The following HS6ST3 variants were observed in gnomAD, a reference collection of about 807,000 sequenced individuals.
HS6ST3 encodes the protein heparan-sulfate 6-O-sulfotransferase 3.
In HS6ST3, 12 loss-of-function variants were observed where a neutral mutation model predicts 36.7. The ratio of observed to expected loss-of-function variants is 0.33; its 90% CI spans 0.21 to 0.53. The LOEUF (loss-of-function observed/expected upper bound fraction) is 0.53. Ranked by LOEUF, HS6ST3 falls within the 20% of genes least tolerant of loss-of-function variation. The pLI is 0.95. For synonymous variants in HS6ST3, 240 were observed against 257.5 expected, an observed-to-expected ratio of 0.93 and a Z score of 0.65; for missense variants, 584 against 640.9, an observed-to-expected ratio of 0.91 and a Z score of 0.96.
At chr13:96,347,226 A>G (rs1925111) in intron 1 of HS6ST3, among the ~76,000 whole-genome samples, 137,095 of 152,216 alleles carry the variant, frequency 0.9, 62,059 homozygotes, top group African/African-American at 0.97. Flanking sequence ...TTATGATAAT[A>G]TGCTACACAG....
chr13:96,263,852 A>G (rs2054678137), intron 1 of HS6ST3, among the ~76,000 whole-genome samples: 1 of 152,242 alleles, frequency 6.6e-6, no homozygotes, highest in Non-Finnish European at 1.5e-5. Context: ...CTTGATTAAC[A>G]AATCCCTGGG....
At chr13:96,444,157 G>A (rs1004078216) in intron 1 of HS6ST3, among the ~76,000 whole-genome samples, 4 of 152,108 alleles carry the variant, frequency 2.6e-5, no homozygotes, top group African/African-American at 9.7e-5. Context: ...GATCCTTCTG[G>A]ACTACTTTCT....
At position 96,665,656 on chromosome 13, in the gene HS6ST3, G is replaced by T. The variant is rs72643884; in HGVS notation, c.708-166834G>T. Among the ~76,000 whole-genome samples the T allele has an allele frequency of 4.0e-3, 615 of 152,222 alleles. 6 individuals are homozygous for T. The highest frequency in any genetic ancestry group is 7.2e-3 in the Admixed American group (110 of 15,276). The stretch of plus-strand genomic sequence containing the variant: ...AGCTAAACCTATGAAAATAGCTTGG[G>T]TTTTGGAATAAACAGGCCTGATTTG... On this transcript the variant is annotated intron_variant, in intron 1 of 1. Transcript: ENST00000376705.
intron 1 of HS6ST3, 129 bp downstream of exon 1, chr13:96,091,698 C>G (rs2053765849): frequency 7.6e-7 from 1 of 1,319,778 alleles, no homozygotes; most frequent in Non-Finnish European, 1.0e-6. Context: ...CGGTTGGCGC[C>G]GTGGCTTTGG....
At chr13:96,626,782 G>A (rs1285788861) in intron 1 of HS6ST3, among the ~76,000 whole-genome samples, 5 of 151,884 alleles carry the variant, frequency 3.3e-5, no homozygotes, top group African/African-American at 1.2e-4. Context: ...CATATCATTG[G>A]TTAAATTTAT....
intron 1 of HS6ST3, among the ~76,000 whole-genome samples, chr13:96,290,460 C>T (rs962083102): frequency 7.9e-5 from 12 of 152,224 alleles, no homozygotes; most frequent in African/African-American, 2.9e-4. Context: ...GTGACCACCT[C>T]GGTAGATTTA....
intron 1 of HS6ST3, among the ~76,000 whole-genome samples, chr13:96,586,468 G>A (rs974137659): frequency 2.0e-5 from 3 of 151,988 alleles, no homozygotes; most frequent in Non-Finnish European, 4.4e-5. Flanking sequence ...GCTAATTTTT[G>A]TATTTTTAGT....
At chr13:96,335,047 TG>T (rs1237773934) in intron 1 of HS6ST3, among the ~76,000 whole-genome samples, 2 of 152,122 alleles carry the variant, frequency 1.3e-5, no homozygotes, top group Admixed American at 6.5e-5. Context: ...CAAATTGGGC[TG>T]GGGGCTGGTG....
chr13:96,600,359 C>CACACACAT (rs1491444389), intron 1 of HS6ST3, among the ~76,000 whole-genome samples: 6 of 120,244 alleles, frequency 5.0e-5, no homozygotes, highest in Admixed American at 2.5e-4. Flanking sequence ...CACACACACA[C>CACACACAT]ATATATATAT....
At chr13:96,430,915 G>A (rs1485445423) in intron 1 of HS6ST3, among the ~76,000 whole-genome samples, 1 of 152,062 alleles carries the variant, frequency 6.6e-6, no homozygotes, top group Non-Finnish European at 1.5e-5. Flanking sequence ...CCAGGCCTAA[G>A]AAAACAACAT....
At chr13:96,719,604 T>TAA (rs1254270287) in intron 1 of HS6ST3, among the ~76,000 whole-genome samples, 2 of 152,234 alleles carry the variant, frequency 1.3e-5, no homozygotes, top group Admixed American at 1.3e-4. Flanking sequence ...GCTTAGACTT[T>TAA]AAAATGAGTA....
At chr13:96,372,661 A>G (rs903472200) in intron 1 of HS6ST3, among the ~76,000 whole-genome samples, 1 of 152,132 alleles carries the variant, frequency 6.6e-6, no homozygotes, top group Non-Finnish European at 1.5e-5. Flanking sequence ...ATTTTTGTGT[A>G]TAGTGTAAGA....
intron 1 of HS6ST3, among the ~76,000 whole-genome samples, chr13:96,323,298 A>G (rs2055013899): frequency 6.6e-6 from 1 of 152,222 alleles, no homozygotes; most frequent in African/African-American, 2.4e-5. Flanking sequence ...AATAGAAACT[A>G]TCCTCTGGGT....
At chr13:96,093,919 T>C (rs2139290971) in intron 1 of HS6ST3, among the ~76,000 whole-genome samples, 1 of 152,328 alleles carries the variant, frequency 6.6e-6, no homozygotes, top group Non-Finnish European at 1.5e-5. Context: ...TGGTACATAA[T>C]GGGAACAAGG....
At chr13:96,766,350 G>A (rs769687458) in intron 1 of HS6ST3, among the ~76,000 whole-genome samples, 9 of 152,182 alleles carry the variant, frequency 5.9e-5, no homozygotes, top group Non-Finnish European at 1.2e-4. Flanking sequence ...CCAAAGCACT[G>A]ATTGTGTGTG....
rs181282200 is a variant in HS6ST3, at chr13:96,096,037, T to G, written c.707+4468T>G. Among the ~76,000 whole-genome samples the G allele has an allele frequency of 6.6e-5, 10 of 152,236 alleles. No individual in the cohort carries two copies. In the East Asian group the frequency reaches 1.9e-3, roughly 29 times the overall value. On this transcript the variant is annotated intron_variant, in intron 1 of 1. Transcript: ENST00000376705. ...ATGAACCTTCAGATCTCTTTTTTTT[T>G]TGTATACCACTTAGGAAAAATTTTA... is the stretch of plus-strand genomic sequence containing the variant.
chr13:96,689,337 A>G (rs939193615), intron 1 of HS6ST3, among the ~76,000 whole-genome samples: 1 of 152,058 alleles, frequency 6.6e-6, no homozygotes, highest in African/African-American at 2.4e-5. Context: ...AATGTTGGGG[A>G]CAATAAAATC....
intron 1 of HS6ST3, among the ~76,000 whole-genome samples, chr13:96,415,196 C>T (rs2055526849): frequency 6.6e-6 from 1 of 152,106 alleles, no homozygotes; most frequent in African/African-American, 2.4e-5. Flanking sequence ...CAGAAAATTA[C>T]AGTTCCTGAG....
At chr13:96,738,143 A>T (rs185465569) in intron 1 of HS6ST3, among the ~76,000 whole-genome samples, 1 of 152,170 alleles carries the variant, frequency 6.6e-6, no homozygotes, top group South Asian at 2.1e-4. Context: ...AAAGATTATT[A>T]TCTTTATTAA....
Sources: allele counts gnomAD v4.1 joint callset (sites outside exome capture counted in the v4.1 genomes callset), GRCh38; gene constraint gnomAD v4.1.1; transcripts MANE v1.5; gene names NCBI Gene and HGNC (gene_info 2026-07-23, HGNC 2026-07-21).